ATAD3C: variants seen among roughly 807,000 people sequenced by gnomAD.
The protein encoded by ATAD3C is ATPase family AAA domain-containing protein 3C.
A neutral mutation model predicts 46.3 loss-of-function variants in ATAD3C; 38 were observed. The ratio of observed to expected loss-of-function variants is 0.82; its 90% CI spans 0.63 to 1.08. The LOEUF is 1.08. Among genes scored for constraint, ATAD3C ranks in the 50% least tolerant of loss-of-function variants. ATAD3C has a pLI of 0.00. For synonymous variants in ATAD3C, 220 were observed against 236.4 expected (o/e 0.93, Z 0.63); for missense variants, 563 against 572.7 (o/e 0.98, Z 0.17).
intron 11 of ATAD3C, among the ~76,000 whole-genome samples, chr1:1,465,557 C>A (rs1381547950): frequency 9.1e-5 from 13 of 143,590 alleles, no homozygotes; most frequent in Non-Finnish European, 1.8e-4. Context: ...TGCCACTGCA[C>A]TCCAGCCTGG....
In ATAD3C at chr1:1,454,440, G is replaced by A. The variant is rs774449701; in HGVS notation, c.318G>A (p.Pro106=). 41 of 1,609,238 alleles carry A rather than the reference G, an allele frequency of 2.5e-5. No individual in the cohort carries two copies. The highest frequency in any genetic ancestry group is 2.0e-4 in the African/African-American group (15 of 74,726). ...GRYIEARLGK[P]SLVRETSRIT... ...ACATCGAGGCTCGGCTGGGGAAGCC[G>A]TCCCTAGTGAGGGAGACGTCCCGCA... is the stretch of plus-strand genomic sequence containing the variant. Residue 106 remains proline (P), a synonymous_variant, in exon 4 of 12, where the codon CCG becomes CCA. Coordinates refer to ENST00000378785, the MANE Select transcript of ATAD3C (RefSeq NM_001039211.3).
In ATAD3C at chr1:1,462,508, T is replaced by C. The variant is rs141750224; in HGVS notation, c.981-92T>C. The stretch of plus-strand genomic sequence containing the variant: ...GTCCCTCTCAAGGGGGCATCTGGCA[T>C]GGGTGTCCGCCTGGCTGCCTGTCTT... On this transcript the variant is annotated intron_variant, in intron 10 of 11. Coordinates refer to ENST00000378785, the MANE Select transcript of ATAD3C (RefSeq NM_001039211.3). This position sits in a 1 kb window ranked among gnomAD's most constrained non-coding sequence, Gnocchi z 4.5. 681 of 1,303,888 alleles carry C rather than the reference T, an allele frequency of 5.2e-4. 4 individuals carry two copies. In the African/African-American group the frequency reaches 9.1e-3, roughly 17 times the overall value. 80.8% of individuals were successfully genotyped at this position (1,303,888 alleles called of 1,614,324 possible). A position where few individuals can be genotyped will look rare whatever the true frequency, so the allele number is the denominator to read the frequency against.
Position 1,462,466 on chromosome 1 carries a change from G to T in ATAD3C, c.981-134G>T. The T allele has an allele frequency of 2.1e-6, 2 of 957,390 alleles. No homozygotes were observed. The highest frequency in any genetic ancestry group is 3.2e-6 in the Non-Finnish European group (2 of 626,162). 59.3% of individuals were successfully genotyped at this position (957,390 alleles called of 1,614,324 possible). A position where few individuals can be genotyped will look rare whatever the true frequency, so the allele number is the denominator to read the frequency against. ...TGCGTCAGGAAGGGGGCGGAACTTGGCTGTCACAGGTAGAGAGTCCCTCTC... is the reference window on the plus strand; with the variant it reads ...TGCGTCAGGAAGGGGGCGGAACTTGTCTGTCACAGGTAGAGAGTCCCTCTC... On this transcript the variant is annotated intron_variant, in intron 10 of 11. Transcript: ENST00000378785. This position sits in a 1 kb window ranked among gnomAD's most constrained non-coding sequence, Gnocchi z 4.5.
At position 1,469,106 on chromosome 1, in the gene ATAD3C, A is replaced by T. The variant is rs1639198327; in HGVS notation, c.*576A>T. Reference sequence around the variant, plus strand: ...GTGAAACTCCATCTCTCCTAAAAAAAAAAAAAAAAAAAAAAAAAAAAAAAA... The same window carrying T: ...GTGAAACTCCATCTCTCCTAAAAAATAAAAAAAAAAAAAAAAAAAAAAAAA... On this transcript the variant is annotated 3_prime_UTR_variant, in exon 12 of 12. Coordinates refer to ENST00000378785, the MANE Select transcript of ATAD3C (RefSeq NM_001039211.3). 2 of 121,856 alleles carry T rather than the reference A, an allele frequency of 1.6e-5. No homozygotes were observed. The highest frequency in any genetic ancestry group is 8.3e-5 in the African/African-American group (2 of 24,074). The allele number at this position is 121,856 out of a possible 1,614,324, so 7.5% of individuals were successfully genotyped here. A position where few individuals can be genotyped will look rare whatever the true frequency, so the allele number is the denominator to read the frequency against.
intron 5 of ATAD3C, 125 bp from the exon 6 acceptor site, chr1:1,455,666 G>C: frequency 9.0e-6 from 14 of 1,556,980 alleles, no homozygotes; most frequent in Non-Finnish European, 1.1e-5. Context: ...GGGATAGATA[G>C]GCTGCCCACG....
At chr1:1,465,507 G>A (rs550705415) in intron 11 of ATAD3C, among the ~76,000 whole-genome samples, 32 of 150,492 alleles carry the variant, frequency 2.1e-4, no homozygotes, top group South Asian at 8.5e-4. Context: ...AGGAGAATGG[G>A]GTGAATCCTG....
In ATAD3C at chr1:1,457,175, G is replaced by A. The variant is rs756133821; in HGVS notation, c.736G>A (p.Ala246Thr). ...DEADAFLRKR[A>T]TEKISEDLRA... Reference sequence around the variant, plus strand: ...AGCGGACGCCTTCCTTCGGAAGCGAGCCACTGTGAGTGTCACTAAGCCTCT... The same window carrying A: ...AGCGGACGCCTTCCTTCGGAAGCGAACCACTGTGAGTGTCACTAAGCCTCT... Residue 246 changes from alanine to threonine, a missense_variant, in exon 8 of 12, where the codon GCC becomes ACC. Physicochemically the swap from Ala to Thr is moderately conservative, Grantham distance 58. Transcript: ENST00000378785. The A allele has an allele frequency of 6.2e-7, 1 of 1,613,542 alleles. No homozygotes were observed. Among genetic ancestry groups the A allele is most frequent in the Admixed American group, 1.7e-5 (1 of 59,978 alleles).
Position 1,468,403 on chromosome 1 carries a change from A to AG in ATAD3C, c.1111dup (p.Asp371GlyfsTer104). The AG allele has an allele frequency of 6.2e-7, 1 of 1,611,980 alleles. No individual in the cohort carries two copies. Among genetic ancestry groups the AG allele is most frequent in the Non-Finnish European group, 8.5e-7 (1 of 1,179,108 alleles). On this transcript the variant is annotated frameshift_variant, in exon 12 of 12. Coordinates refer to ENST00000378785, the MANE Select transcript of ATAD3C (RefSeq NM_001039211.3). LOFTEE classifies it low-confidence loss of function (END_TRUNC). ...CACTAGGCCACGGCGTATGCCTCCAAGGACGGGGTCCTGACCGAGGCCATG... is the reference window on the plus strand; with the variant it reads ...CACTAGGCCACGGCGTATGCCTCCAAGGGACGGGGTCCTGACCGAGGCCATG...
rs913157070 is a variant in ATAD3C, at chr1:1,452,245, C to T, written c.153-120C>T. On this transcript the variant is annotated intron_variant, in intron 2 of 11. Transcript: ENST00000378785. ...CTGTAGGCTGGCTCCTTGGTGGGGA[C>T]ACTGCCCCCCTGTCCTGGCAGGACC... 1.3e-5 allele frequency: 21 copies of T among 1,581,194 alleles called. 1 individual carries two copies. Among genetic ancestry groups the T allele is most frequent in the African/African-American group, 6.7e-5 (5 of 74,248 alleles).
chr1:1,466,896 T>G (rs1639153923), intron 11 of ATAD3C, among the ~76,000 whole-genome samples: 1 of 152,046 alleles, frequency 6.6e-6, no homozygotes, highest in Admixed American at 6.6e-5. Flanking sequence ...TGAGGAAATG[T>G]TCTTCAATTT....
intron 9 of ATAD3C, 96 bp from the exon 10 acceptor site, chr1:1,460,654 C>A: frequency 7.0e-7 from 1 of 1,433,434 alleles, no homozygotes; most frequent in Non-Finnish European, 9.2e-7. Context: ...TAGATTCTCC[C>A]AGAAAGTCTT....
chr1:1,458,057 C>T (rs917265420), intron 8 of ATAD3C, among the ~76,000 whole-genome samples: 6 of 151,938 alleles, frequency 3.9e-5, no homozygotes, highest in African/African-American at 1.5e-4. Context: ...TGGCTCGCTG[C>T]AACCTCCGCC....
At chr1:1,450,788 C>T (rs776616511) in intron 1 of ATAD3C, 30 bp downstream of exon 1, 21 of 1,611,120 alleles carry the variant, frequency 1.3e-5, no homozygotes, top group Admixed American at 6.7e-5. Flanking sequence ...GCGGGGAGGC[C>T]GGGGCACACA....
In ATAD3C at chr1:1,462,589, T is replaced by A. The variant is rs1639087084; in HGVS notation, c.981-11T>A. On this transcript the variant is annotated splice_polypyrimidine_tract_variant and intron_variant, in intron 10 of 11. Transcript: ENST00000378785. The surrounding 1 kb of genome is among the most constrained non-coding windows in gnomAD (Gnocchi z 4.5). ...TGCCTTGGCCGGCCCACTTGGGAAC[T>A]CCTTCCCCAGGCGTCTGAAGCTGGC... 1 of 1,583,922 alleles carries A rather than the reference T, an allele frequency of 6.3e-7. No individual in the cohort carries two copies. Among genetic ancestry groups the A allele is most frequent in the Non-Finnish European group, 8.6e-7 (1 of 1,165,546 alleles).
chr1:1,456,988 G>T, intron 7 of ATAD3C, 141 bp from the exon 8 acceptor site: 1 of 1,174,752 alleles, frequency 8.5e-7, no homozygotes. Context: ...CTTCTGTCAG[G>T]TCCAGGACTT....
rs1001060216 is a variant in ATAD3C at position 1,470,109 on chromosome 1, T to G, written c.*1579T>G. On this transcript the variant is annotated 3_prime_UTR_variant, in exon 12 of 12. Coordinates refer to ENST00000378785, the MANE Select transcript of ATAD3C (RefSeq NM_001039211.3). ...CACCACCCTTTGCTGACTCTCTTTT[T>G]GAACTCAGCCCGCCTGCACCCAGGT... 1 of 152,076 alleles carries G rather than the reference T, an allele frequency of 6.6e-6. No homozygotes were observed. The highest frequency in any genetic ancestry group is 6.6e-5 in the Admixed American group (1 of 15,240). 9.4% of individuals were successfully genotyped at this position (152,076 alleles called of 1,614,324 possible).
Position 1,462,800 on chromosome 1 carries a change from C to T in ATAD3C, c.1089+92C>T, listed in dbSNP as rs994566781. ...CAGGCCTGTCCCAGCACCGGTGTCA[C>T]GTGGGAGCTTCTGTTGAGGGGTTTT... On this transcript the variant is annotated intron_variant, in intron 11 of 11. Transcript: ENST00000378785. The surrounding 1 kb of genome is among the most constrained non-coding windows in gnomAD (Gnocchi z 4.5). 1.0e-4 allele frequency: 149 copies of T among 1,420,606 alleles called. 1 individual carries two copies. Among genetic ancestry groups the T allele is most frequent in the Non-Finnish European group, 1.3e-4 (136 of 1,041,328 alleles). 88.0% of individuals were successfully genotyped at this position (1,420,606 alleles called of 1,614,324 possible).
intron 3 of ATAD3C, among the ~76,000 whole-genome samples, chr1:1,452,894 G>A (rs1195356195): frequency 3.3e-5 from 5 of 151,968 alleles, no homozygotes; most frequent in Non-Finnish European, 5.9e-5. Flanking sequence ...AAAACCCTGA[G>A]AGTTTGAAGT....
At chr1:1,460,176 G>A (rs1386066876) in intron 9 of ATAD3C, among the ~76,000 whole-genome samples, 2 of 151,230 alleles carry the variant, frequency 1.3e-5, no homozygotes, top group East Asian at 1.9e-4. Context: ...GGGTTCAAGC[G>A]ATTCTCCTAC....
Sources: allele counts gnomAD v4.1 joint callset (sites outside exome capture counted in the v4.1 genomes callset), GRCh38; gene constraint gnomAD v4.1.1; non-coding constraint Gnocchi (gnomAD v3.1); transcripts MANE v1.5; gene names NCBI Gene and HGNC (gene_info 2026-07-23, HGNC 2026-07-21).